Variants in RALYL observed in about 807,000 individuals in gnomAD.
RALYL encodes RALY RNA binding protein like.
RALYL carries 29 observed loss-of-function variants against 35.1 expected under a neutral mutation model. The observed-to-expected ratio is 0.83, with a 90% CI of 0.61 to 1.13. The LOEUF (loss-of-function observed/expected upper bound fraction) is 1.13. Among genes scored for constraint, RALYL ranks in the 50% most tolerant of loss-of-function variants. The pLI is 0.00. For synonymous variants in RALYL, 120 were observed against 127.6 expected (o/e 0.94, Z 0.40); for missense variants, 359 against 360.4 (o/e 1.00, Z 0.03).
At chr8:84,856,955 G>GC (rs1837138036) in intron 5 of RALYL, among the ~76,000 whole-genome samples, 1 of 146,444 alleles carries the variant, frequency 6.8e-6, no homozygotes, top group African/African-American at 2.5e-5. Flanking sequence ...GTGAACCCGG[G>GC]AAGCGGAGCT....
At chr8:84,462,629 C>A (rs1405263198) in intron 1 of RALYL, among the ~76,000 whole-genome samples, 1 of 135,830 alleles carries the variant, frequency 7.4e-6, no homozygotes, top group Non-Finnish European at 1.6e-5. Context: ...ATGTGGATAT[C>A]CAGTTGTTCT....
At chr8:84,893,804 A>T (rs921677722) in intron 8 of RALYL, among the ~76,000 whole-genome samples, 1 of 152,222 alleles carries the variant, frequency 6.6e-6, no homozygotes, top group African/African-American at 2.4e-5. Flanking sequence ...ATTAAGGAGA[A>T]TTTGAGTTCT....
At chr8:84,574,122 A>G (rs1195277723) in intron 2 of RALYL, among the ~76,000 whole-genome samples, 2 of 152,034 alleles carry the variant, frequency 1.3e-5, no homozygotes, top group African/African-American at 2.4e-5. Context: ...ACAAGCAACT[A>G]AAGTTACTTG....
intron 1 of RALYL, among the ~76,000 whole-genome samples, chr8:84,200,587 A>G (rs1233384688): frequency 2.0e-5 from 3 of 152,192 alleles, no homozygotes; most frequent in Non-Finnish European, 2.9e-5. Flanking sequence ...TAACTAAACC[A>G]CAACAGTTTT....
At chr8:84,625,592 G>A (rs912421113) in intron 2 of RALYL, among the ~76,000 whole-genome samples, 2 of 152,074 alleles carry the variant, frequency 1.3e-5, no homozygotes, top group Non-Finnish European at 2.9e-5. Context: ...AACCTTCATA[G>A]AGATCCCATA....
chr8:84,291,848 A>G (rs963132048), intron 1 of RALYL, among the ~76,000 whole-genome samples: 5 of 151,276 alleles, frequency 3.3e-5, no homozygotes, highest in African/African-American at 1.2e-4. Context: ...TAGTGAAGAG[A>G]AGATATCTCA....
chr8:84,562,646 T>C (rs2061536788), intron 2 of RALYL, among the ~76,000 whole-genome samples: 1 of 146,656 alleles, frequency 6.8e-6, no homozygotes, highest in South Asian at 2.1e-4. Flanking sequence ...TTGCCACTTT[T>C]GCCTTTAAAA....
chr8:84,298,798 T>TTGTG (rs913231734), intron 1 of RALYL, among the ~76,000 whole-genome samples: 1 of 150,522 alleles, frequency 6.6e-6, no homozygotes, highest in Non-Finnish European at 1.5e-5. Flanking sequence ...TTTCCTAGCT[T>TTGTG]TGTGTGTGTG....
intron 2 of RALYL, among the ~76,000 whole-genome samples, chr8:84,757,615 T>C (rs1442263307): frequency 6.6e-6 from 1 of 151,698 alleles, no homozygotes; most frequent in Non-Finnish European, 1.5e-5. Flanking sequence ...TAAATGTTAG[T>C]AGAATTAAAA....
chr8:84,522,665 G>GT (rs1372651000), intron 1 of RALYL, among the ~76,000 whole-genome samples: 6 of 152,120 alleles, frequency 3.9e-5, no homozygotes, highest in Non-Finnish European at 8.8e-5. Flanking sequence ...GACAACTTTA[G>GT]TTTGTATTTA....
intron 1 of RALYL, among the ~76,000 whole-genome samples, chr8:84,189,674 G>GT (rs200191174): frequency 0.038 from 5,256 of 138,762 alleles, 136 homozygotes; most frequent in East Asian, 0.1. Flanking sequence ...GACGACTCAT[G>GT]TTTTTTTTTT....
At chr8:84,719,025 G>A (rs1400886216) in intron 2 of RALYL, among the ~76,000 whole-genome samples, 1 of 152,120 alleles carries the variant, frequency 6.6e-6, no homozygotes, top group Non-Finnish European at 1.5e-5. Context: ...TCATCCTTCA[G>A]GTGCCAGCTT....
intron 1 of RALYL, among the ~76,000 whole-genome samples, chr8:84,261,869 T>G (rs1832373918): frequency 6.6e-6 from 1 of 152,130 alleles, no homozygotes; most frequent in Non-Finnish European, 1.5e-5. Flanking sequence ...TAAGCTGCAT[T>G]TTTGAAGTTC....
At chr8:84,197,717 C>G (rs1353820560) in intron 1 of RALYL, among the ~76,000 whole-genome samples, 1 of 151,504 alleles carries the variant, frequency 6.6e-6, no homozygotes, top group Admixed American at 6.6e-5. Flanking sequence ...ATAGCTTGAG[C>G]CCAGGAGTTC....
intron 1 of RALYL, among the ~76,000 whole-genome samples, chr8:84,443,915 A>T (rs542014288): frequency 6.6e-6 from 1 of 152,268 alleles, no homozygotes; most frequent in East Asian, 1.9e-4. Flanking sequence ...AGGGCAAGTA[A>T]TGATGAAACA....
chr8:84,281,496 C>T (rs1193583365), intron 1 of RALYL, among the ~76,000 whole-genome samples: 1 of 149,690 alleles, frequency 6.7e-6, no homozygotes, highest in Admixed American at 6.6e-5. Context: ...CACAGAGTGT[C>T]CTCTCTTGAG....
chr8:84,890,975 C>G (rs1452420066), intron 8 of RALYL, among the ~76,000 whole-genome samples: 1 of 151,968 alleles, frequency 6.6e-6, no homozygotes, highest in Non-Finnish European at 1.5e-5. Context: ...AAAGCCCCTA[C>G]ATATACCATT....
At chr8:84,206,303 T>TCAC (rs1818034240) in intron 1 of RALYL, among the ~76,000 whole-genome samples, 1 of 152,158 alleles carries the variant, frequency 6.6e-6, no homozygotes, top group Non-Finnish European at 1.5e-5. Flanking sequence ...AGTGCATGGG[T>TCAC]GATCTGGAGG....
At chr8:84,345,177 A>G (rs891901954) in intron 1 of RALYL, among the ~76,000 whole-genome samples, 1 of 151,430 alleles carries the variant, frequency 6.6e-6, no homozygotes. Flanking sequence ...AACAGTGTGC[A>G]AGGGTTCCCT....
Sources: gnomAD v4.1 joint callset for allele counts (sites outside exome capture counted in the v4.1 genomes callset) on GRCh38, gnomAD v4.1.1 for gene constraint, MANE v1.5 for transcripts, NCBI Gene and HGNC (gene_info 2026-07-23, HGNC 2026-07-21) for gene names.